Variants in DLGAP1 observed in about 807,000 individuals in gnomAD.
The protein encoded by DLGAP1 is disks large-associated protein 1.
A neutral mutation model predicts 90.8 loss-of-function variants in DLGAP1; 11 were observed. The ratio of observed to expected loss-of-function variants is 0.12; its 90% CI spans 0.08 to 0.20. The LOEUF is 0.20. Ranked by LOEUF, DLGAP1 falls within the 10% of genes least tolerant of loss-of-function variation. The pLI is 1.00. For missense variants in DLGAP1, 1,050 were observed against 1,333.8 expected (o/e 0.79, Z 3.31); for synonymous variants, 558 against 540.7 (o/e 1.03, Z -0.44).
chr18:4,207,202 T>A (rs1469774671), intron 1 of DLGAP1, among the ~76,000 whole-genome samples: 1 of 152,142 alleles, frequency 6.6e-6, no homozygotes, highest in African/African-American at 2.4e-5. Flanking sequence ...AGCATGGCTG[T>A]GGAGGCCTCA....
In DLGAP1 at chr18:4,436,184, G is replaced by T. The variant is rs559163069; in HGVS notation, c.-267+18822C>A. Reference sequence around the variant, plus strand: ...TACTGGTAATGATTTCTTGCTTTAGGCAGTGATCTTTTATGTTTCTTTTTT... The same window carrying T: ...TACTGGTAATGATTTCTTGCTTTAGTCAGTGATCTTTTATGTTTCTTTTTT... On this transcript the variant is annotated intron_variant, in intron 1 of 12. Coordinates refer to ENST00000315677, the MANE Select transcript of DLGAP1 (RefSeq NM_004746.4). Among the ~76,000 whole-genome samples, 12 of 152,218 alleles carry T rather than the reference G, an allele frequency of 7.9e-5. No individual in the cohort carries two copies. In the South Asian group the frequency reaches 2.3e-3, roughly 29 times the overall value.
intron 2 of DLGAP1, among the ~76,000 whole-genome samples, chr18:4,077,639 C>A (rs567856907): frequency 1.3e-5 from 2 of 152,094 alleles, no homozygotes; most frequent in African/African-American, 4.8e-5. Flanking sequence ...CTTCTCTCCC[C>A]CTCTGCCACA....
At chr18:3,515,712 G>A (rs748057295) in intron 10 of DLGAP1, among the ~76,000 whole-genome samples, 1 of 144,738 alleles carries the variant, frequency 6.9e-6, no homozygotes, top group African/African-American at 2.5e-5. Flanking sequence ...CTGGGAAGTT[G>A]AGTCTGCAGT....
In DLGAP1 at chr18:4,162,760, T is replaced by C. The variant is rs371858795; in HGVS notation, c.-266-11473A>G. The stretch of plus-strand genomic sequence containing the variant: ...CTCCTGGTCACAAGGTGTGGTGACA[T>C]GTGCTATTAGTCTGAATAGAAACAG... On this transcript the variant is annotated intron_variant, in intron 1 of 12. Transcript: ENST00000315677. Among the ~76,000 whole-genome samples the C allele has an allele frequency of 1.7e-4, 26 of 152,284 alleles. 2 individuals are homozygous for C. The highest frequency in any genetic ancestry group is 3.1e-4 in the African/African-American group (13 of 41,540).
At chr18:4,156,449 A>C (rs1415419675) in intron 1 of DLGAP1, among the ~76,000 whole-genome samples, 1 of 152,220 alleles carries the variant, frequency 6.6e-6, no homozygotes, top group Non-Finnish European at 1.5e-5. Context: ...CGTTATTTAA[A>C]AATGTATCTT....
rs980319548 is a variant in DLGAP1, at chr18:3,879,667, G to A, written c.402C>T (p.Ser134=). 5.0e-6 allele frequency: 8 copies of A among 1,606,202 alleles called. No homozygotes were observed. In the African/African-American group the frequency reaches 6.7e-5, roughly 13 times the overall value. Residue 134 remains serine, a synonymous_variant, in exon 4 of 13, where the codon AGC becomes AGT. Transcript: ENST00000315677. This position sits in a 1 kb window ranked among gnomAD's most constrained non-coding sequence, Gnocchi z 6.6. ...KRTAVEHRSD[S]PGRIRHLVHS... ...GCACCAGGTGGCGGATGCGGCCGGGGCTGTCGCTGCGGTGCTCCACGGCCG... is the reference window on the plus strand; with the variant it reads ...GCACCAGGTGGCGGATGCGGCCGGGACTGTCGCTGCGGTGCTCCACGGCCG...
chr18:3,932,379 T>G (rs1389415607), intron 3 of DLGAP1, among the ~76,000 whole-genome samples: 1 of 152,188 alleles, frequency 6.6e-6, no homozygotes, highest in Admixed American at 6.5e-5. Context: ...AAAAAGTGCC[T>G]CATGTGCATC....
At chr18:4,374,855 A>G (rs1414397604) in intron 1 of DLGAP1, among the ~76,000 whole-genome samples, 1 of 152,160 alleles carries the variant, frequency 6.6e-6, no homozygotes, top group Non-Finnish European at 1.5e-5. Flanking sequence ...CTAATGAAAT[A>G]TAAGTATGGG....
At chr18:3,965,235 G>C (rs1430849272) in intron 3 of DLGAP1, among the ~76,000 whole-genome samples, 2 of 152,146 alleles carry the variant, frequency 1.3e-5, no homozygotes, top group African/African-American at 4.8e-5. Context: ...TGGGCACTTG[G>C]ACTAATTCTT....
chr18:3,983,664 T>C (rs1472104117), intron 3 of DLGAP1: 1 of 152,230 alleles, frequency 6.6e-6, no homozygotes, highest in African/African-American at 2.4e-5. Flanking sequence ...TGTAAGATTA[T>C]GGCATTCCTC....
At chr18:3,975,426 G>C (rs1447405138) in intron 3 of DLGAP1, among the ~76,000 whole-genome samples, 1 of 152,096 alleles carries the variant, frequency 6.6e-6, no homozygotes, top group Non-Finnish European at 1.5e-5. Flanking sequence ...TGTTAGGATG[G>C]TTATTATTGA....
chr18:4,185,865 C>T (rs1283055540), intron 1 of DLGAP1, among the ~76,000 whole-genome samples: 1 of 152,068 alleles, frequency 6.6e-6, no homozygotes, highest in Admixed American at 6.6e-5. Context: ...CATCACACTG[C>T]TTTTCACAAT....
chr18:4,068,910 T>C (rs1332533737), intron 2 of DLGAP1, among the ~76,000 whole-genome samples: 1 of 152,120 alleles, frequency 6.6e-6, no homozygotes, highest in African/African-American at 2.4e-5. Flanking sequence ...CTCTGATTAT[T>C]AGTAGAGCTT....
chr18:3,629,458 T>G (rs1036482088), intron 7 of DLGAP1, among the ~76,000 whole-genome samples: 1 of 151,726 alleles, frequency 6.6e-6, no homozygotes, highest in African/African-American at 2.4e-5. Flanking sequence ...GATCACGAGG[T>G]CAGGAGATCG....
At chr18:3,853,083 C>A (rs2095877216) in intron 4 of DLGAP1, among the ~76,000 whole-genome samples, 1 of 151,948 alleles carries the variant, frequency 6.6e-6, no homozygotes, top group Non-Finnish European at 1.5e-5. Context: ...CCTCTTCTTG[C>A]AGGTTTTATA....
In DLGAP1 at chr18:3,729,416, G is replaced by A. The variant is rs761278327; in HGVS notation, c.1351-41C>T. ...GGCGTTGTGACACTCGCCTCCACCT[G>A]GTGGAGGATCAACCTCTCCAAGCAT... On this transcript the variant is annotated intron_variant, in intron 6 of 12. Transcript: ENST00000315677. This position sits in a 1 kb window ranked among gnomAD's most constrained non-coding sequence, Gnocchi z 6.2. The A allele has an allele frequency of 6.3e-7, 1 of 1,586,326 alleles. No individual in the cohort carries two copies. The highest frequency in any genetic ancestry group is 1.1e-5 in the South Asian group (1 of 87,542).
At chr18:4,283,388 A>G (rs2079601464) in intron 1 of DLGAP1, among the ~76,000 whole-genome samples, 1 of 152,220 alleles carries the variant, frequency 6.6e-6, no homozygotes, top group Non-Finnish European at 1.5e-5. Context: ...ATTATGTAGC[A>G]AAAGGATTAG....
chr18:3,895,319 A>ACACACACAT (rs1555703517), intron 3 of DLGAP1, among the ~76,000 whole-genome samples: 71 of 148,454 alleles, frequency 4.8e-4, no homozygotes, highest in Non-Finnish European at 8.8e-4. Flanking sequence ...ACACACACAC[A>ACACACACAT]CATCATCATC....
intron 7 of DLGAP1, among the ~76,000 whole-genome samples, chr18:3,715,092 GGAA>G (rs2061719450): frequency 6.6e-6 from 1 of 152,176 alleles, no homozygotes; most frequent in Non-Finnish European, 1.5e-5. Flanking sequence ...CCATATGAAT[GGAA>G]GAAGCTCAAC....
Sources: allele counts gnomAD v4.1 joint callset (sites outside exome capture counted in the v4.1 genomes callset), GRCh38; gene constraint gnomAD v4.1.1; non-coding constraint Gnocchi (gnomAD v3.1); transcripts MANE v1.5; gene names NCBI Gene and HGNC (gene_info 2026-07-23, HGNC 2026-07-21).